The following TTN variants were observed in gnomAD, a reference collection of about 807,000 sequenced individuals.
TTN encodes the protein titin.
Under a neutral mutation model 3,223.0 loss-of-function variants are expected in TTN, and 1,525 were observed. That is an observed-to-expected ratio of 0.47 (90% confidence interval 0.45 to 0.49). The LOEUF is 0.49. Ranked by LOEUF, TTN falls within the 20% of genes least tolerant of loss-of-function variation. TTN has a pLI of 0.00. For missense variants in TTN, 40,786 were observed against 43,424.0 expected, an observed-to-expected ratio of 0.94 and a Z score of 5.40; for synonymous variants, 14,094 against 15,161.0, an observed-to-expected ratio of 0.93 and a Z score of 5.17.
At chr2:178,615,251 G>T in intron 259 of TTN, 56 bp downstream of exon 259, 2 of 1,576,344 alleles carry the variant, frequency 1.3e-6, no homozygotes, top group Non-Finnish European at 1.7e-6. Context: ...CCCCAACAAA[G>T]CCCATTTTAG....
Position 178,712,981 on chromosome 2 carries a change from C to T in TTN, c.27050-6G>A, listed in dbSNP as rs765624428. ...CTGAACAAAAGATGGTGGTTCTAAA[C>T]ACAAAAGCACATATCAGAAAAGGTT... On this transcript the variant is annotated splice_polypyrimidine_tract_variant and splice_region_variant and intron_variant, in intron 93 of 362. Coordinates refer to ENST00000589042, the MANE Select transcript of TTN (RefSeq NM_001267550.2). 1.1e-5 allele frequency: 17 copies of T among 1,610,230 alleles called. No homozygotes were observed. The Admixed American group carries it at 2.8e-4, about 27-fold the overall frequency.
At position 178,731,717 on chromosome 2, in the gene TTN, A is replaced by C. The variant is rs748067586; in HGVS notation, c.17158T>G (p.Cys5720Gly). The change falls in exon 58 of 363, where the codon TGC becomes GGC. Residue 5720 changes from cysteine (C) to glycine (G), a missense_variant. Transcript: ENST00000589042. Reference sequence around the variant, plus strand: ...CCTCTTAAAGTCACCCTGGCACTGCAGATGCTGCTGCCCACCTCATTGGTC... The same window carrying C: ...CCTCTTAAAGTCACCCTGGCACTGCCGATGCTGCTGCCCACCTCATTGGTC... The part of the protein sequence containing the change: ...RVTNEVGSSI[C>G]SARVTLREPP... 7 of 1,612,410 alleles carry C rather than the reference A, an allele frequency of 4.3e-6. No individual in the cohort carries two copies. In the South Asian group the frequency reaches 6.6e-5, roughly 15 times the overall value.
Position 178,587,261 on chromosome 2 carries a change from G to A in TTN, c.63950C>T (p.Thr21317Ile). Residue 21317 changes from threonine to isoleucine, a missense_variant, in exon 307 of 363, where the codon ACC becomes ATC. By Grantham distance (89) the Thr-to-Ile change is moderately conservative (BLOSUM62 -1). Transcript: ENST00000589042. Reference sequence around the variant, plus strand: ...GAAGCTTGTTTTCTTAACTTCTGGGGTAACGGTCGACCATGTCTTTCTGTC... The same window carrying A: ...GAAGCTTGTTTTCTTAACTTCTGGGATAACGGTCGACCATGTCTTTCTGTC... ...EADRKTWSTV[T>I]PEVKKTSFHV... 6.2e-7 allele frequency: 1 copy of A among 1,613,142 alleles called. No homozygotes were observed. Among genetic ancestry groups the A allele is most frequent in the South Asian group, 1.1e-5 (1 of 91,072 alleles).
At chr2:178,738,504 G>C (rs944054970) in intron 48 of TTN, 144 bp from the exon 49 acceptor site, 18 of 1,002,980 alleles carry the variant, frequency 1.8e-5, no homozygotes, top group Admixed American at 1.0e-4. Context: ...GCAAGTGACT[G>C]GAAAATGAGA....
chr2:178,548,098 A>C lies in TTN; in HGVS notation c.93528T>G (p.Leu31176=), dbSNP rs1266553798. ...TKQLTFTVER[L]VEKTEYEFRV... ...GGAATTCATATTCAGTTTTCTCAAC[A>C]AGACGCTCTACTGTGAAAGTTAGCT... The change falls in exon 339 of 363, where the codon CTT becomes CTG. Residue 31176 remains leucine, a synonymous_variant. Coordinates refer to ENST00000589042, the MANE Select transcript of TTN (RefSeq NM_001267550.2). This position sits in a 1 kb window ranked among gnomAD's most constrained non-coding sequence, Gnocchi z 4.3. The C allele has an allele frequency of 1.2e-6, 2 of 1,613,876 alleles. No homozygotes were observed. Among genetic ancestry groups the C allele is most frequent in the Admixed American group, 1.7e-5 (1 of 60,014 alleles).
At chr2:178,753,561 T>C (rs1228665336) in intron 46 of TTN, 1 of 167,204 alleles carries the variant, frequency 6.0e-6, no homozygotes, top group Non-Finnish European at 1.3e-5. Context: ...ATTTTCTAAA[T>C]TGCTACTTTA....
rs1316112427 is a variant in TTN at position 178,615,829 on chromosome 2, AC to A, written c.48313-42del. 5 of 1,565,678 alleles carry A rather than the reference AC, an allele frequency of 3.2e-6. No homozygotes were observed. In the Admixed American group the frequency reaches 6.0e-5, roughly 19 times the overall value. On this transcript the variant is annotated intron_variant, in intron 257 of 362. Coordinates refer to ENST00000589042, the MANE Select transcript of TTN (RefSeq NM_001267550.2). ...ACAGTTAATCAGTTATTTCCAAAAAACCCTTTCGCCAACCCAAAAGATTTTT... is the reference window on the plus strand; with the variant it reads ...ACAGTTAATCAGTTATTTCCAAAAAACCTTTCGCCAACCCAAAAGATTTTT...
chr2:178,550,384 A>G, intron 336 of TTN, 111 bp from the exon 337 acceptor site: 1 of 870,282 alleles, frequency 1.1e-6, no homozygotes, highest in Non-Finnish European at 1.7e-6. Context: ...AGTGACTTCT[A>G]CTGTGCTACC....
In TTN at chr2:178,575,059, TA is replaced by T; in HGVS notation, c.71072del (p.Leu23691Ter). The T allele has an allele frequency of 6.2e-7, 1 of 1,613,432 alleles. No individual in the cohort carries two copies. The highest frequency in any genetic ancestry group is 1.1e-5 in the South Asian group (1 of 91,076). The stretch of plus-strand genomic sequence containing the variant: ...CACTTCTGACACACTCATTGATATT[TA>T]AAATGGTTGAAGTCGCTGTGGTTTC... ...NFETTATSTI[L>X]NINECVRSDS... is the part of the protein sequence containing the mutation. On this transcript the variant is annotated frameshift_variant, in exon 326 of 363. Transcript: ENST00000589042. LOFTEE classifies it high-confidence loss of function. The surrounding 1 kb of genome is among the most constrained non-coding windows in gnomAD (Gnocchi z 4.0).
Position 178,527,709 on chromosome 2 carries a change from G to C in TTN, c.107417C>G (p.Thr35806Arg), listed in dbSNP as rs964363317. Residue 35806 changes from threonine (T) to arginine (R), a missense_variant, in exon 362 of 363, where the codon ACA becomes AGA. Transcript: ENST00000589042. ...EEPSREVVLR[T>R]SGDTSLQGSF... ...TCCTTGCAAGCTTGTGTCACCACTTGTTCTCAATACTACCTCTCTGGAAGG... is the reference window on the plus strand; with the variant it reads ...TCCTTGCAAGCTTGTGTCACCACTTCTTCTCAATACTACCTCTCTGGAAGG... 4 of 1,611,892 alleles carry C rather than the reference G, an allele frequency of 2.5e-6. No homozygotes were observed. The highest frequency in any genetic ancestry group is 3.4e-6 in the Non-Finnish European group (4 of 1,178,388).
rs776981475 is a variant in TTN, at chr2:178,527,609, A to G, written c.107517T>C (p.Ser35839=). ...EASFSSFSSS[S]ASSMTEMKFA... ...ATTTCATCTCAGTCATGCTGCTAGCACTGCTGCTGCTGAAACTGCTGAAGG... is the reference window on the plus strand; with the variant it reads ...ATTTCATCTCAGTCATGCTGCTAGCGCTGCTGCTGCTGAAACTGCTGAAGG... Residue 35839 remains serine (S), a synonymous_variant, in exon 362 of 363, where the codon AGT becomes AGC. Coordinates refer to ENST00000589042, the MANE Select transcript of TTN (RefSeq NM_001267550.2). 4 of 1,614,004 alleles carry G rather than the reference A, an allele frequency of 2.5e-6. No individual in the cohort carries two copies. The highest frequency in any genetic ancestry group is 1.1e-5 in the South Asian group (1 of 91,088).
Position 178,769,915 on chromosome 2 carries a change from T to G in TTN, c.8666A>C (p.Lys2889Thr). The G allele has an allele frequency of 6.2e-7, 1 of 1,614,108 alleles. No individual in the cohort carries two copies. The highest frequency in any genetic ancestry group is 8.5e-7 in the Non-Finnish European group (1 of 1,180,010). The change falls in exon 37 of 363, where the codon AAA becomes ACA. Residue 2889 changes from lysine (K) to threonine (T), a missense_variant. Physicochemically the swap from Lys to Thr is moderately conservative, Grantham distance 78. Transcript: ENST00000589042. ...VETLHITKTM[K>T]NIEVPETKTA... Reference sequence around the variant, plus strand: ...TTTGGTCTCAGGCACCTCGATATTTTTCATGGTTTTTGTAATATGTAATGC... The same window carrying G: ...TTTGGTCTCAGGCACCTCGATATTTGTCATGGTTTTTGTAATATGTAATGC...
intron 105 of TTN, 47 bp downstream of exon 105, chr2:178,704,463 C>A (rs2075527704): frequency 6.3e-7 from 1 of 1,598,278 alleles, no homozygotes; most frequent in Non-Finnish European, 8.5e-7. Context: ...ATGTGCTCAA[C>A]AGTAATTTAA....
rs1188083382 is a variant in TTN at position 178,652,275 on chromosome 2, G to A, written c.39200C>T (p.Pro13067Leu). Residue 13067 changes from proline to leucine, a missense_variant, in exon 203 of 363, where the codon CCA (proline) becomes CTA (leucine). By Grantham distance (98) the Pro-to-Leu change is moderately conservative. Coordinates refer to ENST00000589042, the MANE Select transcript of TTN (RefSeq NM_001267550.2). The stretch of plus-strand genomic sequence containing the variant: ...ATGAGGGTGTCTACCTTTTGTGGGT[G>A]GCACTTCAGGCTTTTTAGGAGGAGG... ...PVPPPKKPEV[P>L]PTKVPEVPKV... The A allele has an allele frequency of 6.2e-7, 1 of 1,613,590 alleles. No individual in the cohort carries two copies. Among genetic ancestry groups the A allele is most frequent in the East Asian group, 2.2e-5 (1 of 44,870 alleles).
intron 108 of TTN, 38 bp downstream of exon 108, chr2:178,702,130 G>A (rs757545862): frequency 9.3e-6 from 15 of 1,613,254 alleles, no homozygotes; most frequent in Middle Eastern, 1.6e-4. Context: ...TACGTGTTTC[G>A]AAGATGGCAG....
At chr2:178,682,973 G>A in intron 134 of TTN, 70 bp from the exon 135 acceptor site, 4 of 1,370,148 alleles carry the variant, frequency 2.9e-6, no homozygotes, top group Non-Finnish European at 3.0e-6. Flanking sequence ...TAGTAACAAT[G>A]TGCTTTGATT....
chr2:178,597,072 A>G (rs1226617846), intron 294 of TTN, among the ~76,000 whole-genome samples: 1 of 152,048 alleles, frequency 6.6e-6, no homozygotes, highest in African/African-American at 2.4e-5. Flanking sequence ...ACATTCATGT[A>G]CAGTTTAAGG....
At position 178,740,349 on chromosome 2, in the gene TTN, T is replaced by C; in HGVS notation, c.12884A>G (p.His4295Arg). ...VNYEPLVPSE[H>R]SCTEGGKILI... is the part of the protein sequence containing the mutation. The stretch of plus-strand genomic sequence containing the variant: ...AATTTTACCTCCTTCTGTGCATGAG[T>C]GTTCTGAAGGGACTAGGGGCTCATA... Residue 4295 changes from histidine (H) to arginine (R), a missense_variant, in exon 48 of 363, where the codon CAC becomes CGC. His to Arg is a conservative substitution (Grantham distance 29). Coordinates refer to ENST00000589042, the MANE Select transcript of TTN (RefSeq NM_001267550.2). The C allele has an allele frequency of 6.2e-7, 1 of 1,613,716 alleles. No homozygotes were observed. Among genetic ancestry groups the C allele is most frequent in the Non-Finnish European group, 8.5e-7 (1 of 1,179,774 alleles).
rs2055509243 is a variant in TTN at position 178,608,621 on chromosome 2, C to T, written c.52390G>A (p.Ala17464Thr). 3 of 1,610,492 alleles carry T rather than the reference C, an allele frequency of 1.9e-6. No homozygotes were observed. The highest frequency in any genetic ancestry group is 1.1e-5 in the South Asian group (1 of 90,386). Residue 17464 changes from alanine (A) to threonine (T), a missense_variant, in exon 274 of 363, where the codon GCT becomes ACT. Coordinates refer to ENST00000589042, the MANE Select transcript of TTN (RefSeq NM_001267550.2). ...GPPCVSKPLVAKDPFGPPDAP... is the reference protein window; with the variant it reads ...GPPCVSKPLVTKDPFGPPDAP... ...GGAAACTTACCAAATGGATCTTTAG[C>T]CACAAGTGGCTTTGAAACACATGGT...
Sources: gnomAD v4.1 joint callset for allele counts (sites outside exome capture counted in the v4.1 genomes callset) on GRCh38, gnomAD v4.1.1 for gene constraint, Gnocchi (gnomAD v3.1) non-coding constraint, MANE v1.5 for transcripts, NCBI Gene and HGNC (gene_info 2026-07-23, HGNC 2026-07-21) for gene names.